PTH2R: variants seen among roughly 807,000 people sequenced by gnomAD.
The protein encoded by PTH2R is PTH2 receptor.
A neutral mutation model predicts 60.3 loss-of-function variants in PTH2R; 59 were observed. The ratio of observed to expected loss-of-function variants is 0.98; its 90% CI spans 0.79 to 1.22. The LOEUF is 1.22. Ranked by LOEUF, PTH2R falls within the 50% of genes most tolerant of loss-of-function variation. PTH2R has a pLI of 0.00. For synonymous variants in PTH2R, 256 were observed against 243.8 expected (o/e 1.05, Z -0.47); for missense variants, 749 against 682.6 (o/e 1.10, Z -1.08).
intron 7 of PTH2R, among the ~76,000 whole-genome samples, chr2:208,449,771 T>TA: frequency 1.3e-5 from 2 of 152,262 alleles, no homozygotes; most frequent in African/African-American, 4.8e-5. Flanking sequence ...AGAAAGAATA[T>TA]AAAAAAATTA....
rs758411925 is a variant in PTH2R at position 208,481,102 on chromosome 2, A to T, written c.1014A>T (p.Arg338Ser). ...TTATTCTGTTTCTGAATACGGTTAG[A>T]GTTCTAGCTACCAAAATCTGGGAGA... ...LNFILFLNTV[R>S]VLATKIWETN... Residue 338 changes from arginine (R) to serine (S), a missense_variant, in exon 10 of 13, where the codon AGA (arginine) becomes AGT (serine). Arg to Ser is a moderately radical substitution (Grantham distance 110). Transcript: ENST00000272847. 6.2e-7 allele frequency: 1 copy of T among 1,611,326 alleles called. No individual in the cohort carries two copies.
chr2:208,388,122 A>G (rs894493579), intron 1 of PTH2R, among the ~76,000 whole-genome samples: 14 of 104,530 alleles, frequency 1.3e-4, no homozygotes, highest in African/African-American at 5.5e-4. Context: ...ATTCTGGCTA[A>G]CATGGTGAAA....
intron 1 of PTH2R, among the ~76,000 whole-genome samples, chr2:208,363,767 A>C (rs1165723517): frequency 1.3e-5 from 2 of 152,180 alleles, no homozygotes; most frequent in East Asian, 3.9e-4. Context: ...TCTGATGATT[A>C]GTGATGTAGA....
intron 1 of PTH2R, among the ~76,000 whole-genome samples, chr2:208,414,959 A>G (rs895920440): frequency 6.6e-6 from 1 of 152,180 alleles, no homozygotes; most frequent in South Asian, 2.1e-4. Context: ...CAAAACTATT[A>G]AGATAAATAA....
At chr2:208,472,915 A>AT (rs1181629691) in intron 9 of PTH2R, among the ~76,000 whole-genome samples, 1 of 152,156 alleles carries the variant, frequency 6.6e-6, no homozygotes, top group East Asian at 1.9e-4. Context: ...GAGGTTATAC[A>AT]TTTAGAAAAT....
At position 208,476,423 on chromosome 2, in the gene PTH2R, A is replaced by G. The variant is rs16841276; in HGVS notation, c.982-4647A>G. Among the ~76,000 whole-genome samples, 901 of 152,314 alleles carry G rather than the reference A, an allele frequency of 5.9e-3. 15 individuals are homozygous for G. The highest frequency in any genetic ancestry group is 0.02 in the African/African-American group (846 of 41,562). On this transcript the variant is annotated intron_variant, in intron 9 of 12. Coordinates refer to ENST00000272847, the MANE Select transcript of PTH2R (RefSeq NM_005048.4). ...GAAATATAACTTTAAATGAAATTAA[A>G]GCTCTAACATTTGCCATAGAAACTG...
chr2:208,444,711 AAATTCTGGTTTATTTGT>A lies in PTH2R; in HGVS notation c.700-19_700-3del. The A allele has an allele frequency of 1.2e-6, 2 of 1,607,196 alleles. No homozygotes were observed. The highest frequency in any genetic ancestry group is 2.2e-5 in the South Asian group (2 of 89,726). On this transcript the variant is annotated splice_polypyrimidine_tract_variant and splice_region_variant and intron_variant, in intron 6 of 12. Transcript: ENST00000272847. The stretch of plus-strand genomic sequence containing the variant: ...TACAACAAAGTGTTCTAATATGATG[AAATTCTGGTTTATTTGT>A]AATAGATCGGGTGCAAGATTGCTGT...
chr2:208,406,322 A>C (rs1468977601), upstream of PTH2R, among the ~76,000 whole-genome samples: 1 of 152,212 alleles, frequency 6.6e-6, no homozygotes, highest in East Asian at 1.9e-4. Flanking sequence ...CTTTTGACCC[A>C]CAAGAAATAT....
At chr2:208,364,002 CTTTAG>C (rs1292590944) in intron 1 of PTH2R, among the ~76,000 whole-genome samples, 3 of 152,066 alleles carry the variant, frequency 2.0e-5, no homozygotes, top group African/African-American at 4.8e-5. Flanking sequence ...TGCAGAAGCT[CTTTAG>C]TTTAGTTAGG....
intron 1 of PTH2R, among the ~76,000 whole-genome samples, chr2:208,383,161 T>C (rs185247979): frequency 6.6e-6 from 1 of 152,152 alleles, no homozygotes; most frequent in Non-Finnish European, 1.5e-5. Flanking sequence ...TCAAGGGAGG[T>C]AGTTAGAGGC....
At chr2:208,390,233 G>A (rs1395346066) in intron 1 of PTH2R, among the ~76,000 whole-genome samples, 1 of 152,140 alleles carries the variant, frequency 6.6e-6, no homozygotes, top group Non-Finnish European at 1.5e-5. Context: ...GCTATTACTT[G>A]GTCAATTTTT....
chr2:208,438,681 T>C (rs1035821949), intron 4 of PTH2R, among the ~76,000 whole-genome samples: 11 of 152,230 alleles, frequency 7.2e-5, no homozygotes, highest in African/African-American at 2.7e-4. Flanking sequence ...GTTAATGTGA[T>C]AAATTAGCTT....
At chr2:208,447,460 C>T (rs1237808293) in intron 7 of PTH2R, among the ~76,000 whole-genome samples, 2 of 151,624 alleles carry the variant, frequency 1.3e-5, no homozygotes, top group Admixed American at 6.6e-5. Context: ...TGCTGGCAGG[C>T]GCCTGTAGTC....
intron 1 of PTH2R, among the ~76,000 whole-genome samples, chr2:208,399,122 A>C (rs1179166168): frequency 6.6e-6 from 1 of 152,216 alleles, no homozygotes; most frequent in African/African-American, 2.4e-5. Context: ...TATCACCCAG[A>C]AACCTGTGAA....
intron 1 of PTH2R, among the ~76,000 whole-genome samples, chr2:208,408,724 G>GAGAGAGAGAGAGAA (rs1199140495): frequency 1.2e-4 from 4 of 32,600 alleles, no homozygotes; most frequent in African/African-American, 2.1e-4. Flanking sequence ...AGAAAGGAAA[G>GAGAGAGAGAGAGAA]AGAGAGAGAG....
At chr2:208,464,796 T>G (rs1574897685) in intron 9 of PTH2R, among the ~76,000 whole-genome samples, 1 of 152,254 alleles carries the variant, frequency 6.6e-6, no homozygotes, top group East Asian at 1.9e-4. Flanking sequence ...GGAGGCTCGC[T>G]TGAGGCCAGG....
Position 208,407,057 on chromosome 2 carries a change from GGGCGTCGCTCCACGT to G in PTH2R, c.15_29del (p.Ala6_Val10del). ...GCCGTTCCGGGCATGGCCGGGCTGG[GGGCGTCGCTCCACGT>G]CTGGGGTTGGCTAATGCTCGGCAGC... On this transcript the variant is annotated inframe_deletion, in exon 1 of 13. Transcript: ENST00000272847. The G allele has an allele frequency of 7.2e-7, 1 of 1,394,862 alleles. No individual in the cohort carries two copies. Among genetic ancestry groups the G allele is most frequent in the Non-Finnish European group, 9.4e-7 (1 of 1,067,816 alleles). The allele number at this position is 1,394,862 out of a possible 1,614,324, so 86.4% of individuals were successfully genotyped here.
chr2:208,482,379 A>G lies in PTH2R; in HGVS notation c.1076+1215A>G, dbSNP rs143968141. 1.4e-3 allele frequency among the ~76,000 whole-genome samples: 217 copies of G among 152,328 alleles called. 8 individuals are homozygous for G. The East Asian group carries it at 0.039, about 27-fold the overall frequency. On this transcript the variant is annotated intron_variant, in intron 10 of 12. Transcript: ENST00000272847. ...CCACAGTGCCAACAATGCACTGGATATACCAGCATTTATTATTAAGTTTAG... is the reference window on the plus strand; with the variant it reads ...CCACAGTGCCAACAATGCACTGGATGTACCAGCATTTATTATTAAGTTTAG...
chr2:208,398,898 A>G (rs1701258931), intron 1 of PTH2R, among the ~76,000 whole-genome samples: 1 of 152,216 alleles, frequency 6.6e-6, no homozygotes, highest in African/African-American at 2.4e-5. Context: ...GGCACAAATA[A>G]AACAGTCTTT....
Sources: gnomAD v4.1 joint callset for allele counts (sites outside exome capture counted in the v4.1 genomes callset) on GRCh38, gnomAD v4.1.1 for gene constraint, MANE v1.5 for transcripts, NCBI Gene and HGNC (gene_info 2026-07-23, HGNC 2026-07-21) for gene names.